Variants in ANKS1B observed in about 807,000 individuals in gnomAD.
The protein encoded by ANKS1B is ankyrin repeat and sterile alpha motif domain-containing protein 1B.
A neutral mutation model predicts 148.3 loss-of-function variants in ANKS1B; 36 were observed. That is an observed-to-expected ratio of 0.24 (90% CI 0.19 to 0.32). The LOEUF (loss-of-function observed/expected upper bound fraction) is 0.32, where lower values mean the gene tolerates loss of function less well. Ranked by LOEUF, ANKS1B falls within the 10% of genes least tolerant of loss-of-function variation. The pLI, the probability that ANKS1B is intolerant of heterozygous loss-of-function variation, is 1.00. For missense variants in ANKS1B, 1,157 were observed against 1,542.6 expected (o/e 0.75, Z 4.19); for synonymous variants, 542 against 560.8 (o/e 0.97, Z 0.47).
At chr12:99,527,401 G>A (rs2153079183) in intron 9 of ANKS1B, among the ~76,000 whole-genome samples, 1 of 152,222 alleles carries the variant, frequency 6.6e-6, no homozygotes, top group East Asian at 1.9e-4. Context: ...AAATAAATAA[G>A]TATTGTTGCT....
intron 9 of ANKS1B, among the ~76,000 whole-genome samples, chr12:99,505,045 C>T (rs1387997891): frequency 6.6e-6 from 1 of 151,960 alleles, no homozygotes; most frequent in Non-Finnish European, 1.5e-5. Flanking sequence ...ATGAAGTTTG[C>T]TAAAAGGCTG....
chr12:98,972,386 G>T (rs911786669), intron 17 of ANKS1B, among the ~76,000 whole-genome samples: 2 of 152,146 alleles, frequency 1.3e-5, no homozygotes, highest in African/African-American at 4.8e-5. Context: ...AGTCGGATTT[G>T]ATCAGTTTTC....
intron 10 of ANKS1B, among the ~76,000 whole-genome samples, chr12:99,493,788 A>G (rs1007550459): frequency 1.3e-5 from 2 of 152,132 alleles, no homozygotes; most frequent in African/African-American, 4.8e-5. Context: ...GAGATATATA[A>G]GTAAATAAGT....
intron 12 of ANKS1B, among the ~76,000 whole-genome samples, chr12:99,346,411 TC>T (rs2090693506): frequency 6.7e-6 from 1 of 149,670 alleles, no homozygotes; most frequent in Non-Finnish European, 1.5e-5. Context: ...TCTCTCTCTC[TC>T]CTCCCCTTCC....
intron 1 of ANKS1B, among the ~76,000 whole-genome samples, chr12:99,887,412 A>G (rs1390317895): frequency 6.6e-6 from 1 of 152,224 alleles, no homozygotes; most frequent in African/African-American, 2.4e-5. Flanking sequence ...TATTAAAATT[A>G]ATATCATCTG....
At chr12:99,859,301 A>G (rs756215118) in intron 1 of ANKS1B, among the ~76,000 whole-genome samples, 2 of 152,240 alleles carry the variant, frequency 1.3e-5, no homozygotes, top group African/African-American at 2.4e-5. Flanking sequence ...TCTTGCAAGT[A>G]AAATAAACAT....
At chr12:99,023,039 A>G (rs1019371768) in intron 17 of ANKS1B, among the ~76,000 whole-genome samples, 1 of 152,088 alleles carries the variant, frequency 6.6e-6, no homozygotes, top group Non-Finnish European at 1.5e-5. Context: ...GACTTTTCCA[A>G]TGTTAAACTA....
chr12:98,846,238 A>C (rs2099467530), intron 17 of ANKS1B, among the ~76,000 whole-genome samples: 1 of 152,242 alleles, frequency 6.6e-6, no homozygotes, highest in Non-Finnish European at 1.5e-5. Context: ...TTTTAAATAA[A>C]GGAATTCTTA....
At chr12:99,865,783 C>T (rs1363765993) in intron 1 of ANKS1B, among the ~76,000 whole-genome samples, 1 of 152,120 alleles carries the variant, frequency 6.6e-6, no homozygotes, top group Non-Finnish European at 1.5e-5. Flanking sequence ...TTTACTTAAA[C>T]CTATGCCTCA....
intron 9 of ANKS1B, among the ~76,000 whole-genome samples, chr12:99,649,064 G>A (rs2153433250): frequency 6.6e-6 from 1 of 152,242 alleles, no homozygotes; most frequent in South Asian, 2.1e-4. Flanking sequence ...ATGTTGTAAT[G>A]CTGTCCAAAG....
chr12:99,382,641 T>C (rs757754308), intron 12 of ANKS1B, among the ~76,000 whole-genome samples: 30 of 144,060 alleles, frequency 2.1e-4, no homozygotes, highest in Non-Finnish European at 4.0e-4. Context: ...GAGTTTGCAG[T>C]GACCTGAGAT....
At chr12:99,359,664 G>A (rs1056298421) in intron 12 of ANKS1B, among the ~76,000 whole-genome samples, 3 of 151,984 alleles carry the variant, frequency 2.0e-5, no homozygotes, top group South Asian at 2.1e-4. Flanking sequence ...CACTCACCTC[G>A]TGTAACGGGG....
At chr12:99,514,747 G>A (rs532785088) in intron 9 of ANKS1B, among the ~76,000 whole-genome samples, 3 of 152,110 alleles carry the variant, frequency 2.0e-5, no homozygotes, top group South Asian at 4.1e-4. Flanking sequence ...TCTGCACATC[G>A]TTAGGTAGTA....
intron 1 of ANKS1B, among the ~76,000 whole-genome samples, chr12:99,968,810 AT>A (rs1466358251): frequency 2.0e-5 from 3 of 151,950 alleles, no homozygotes; most frequent in Admixed American, 6.6e-5. Flanking sequence ...AGTTCTCCAA[AT>A]TTACATGAAA....
At chr12:99,186,686 T>C (rs531793345) in intron 14 of ANKS1B, among the ~76,000 whole-genome samples, 4 of 152,190 alleles carry the variant, frequency 2.6e-5, no homozygotes, top group African/African-American at 7.2e-5. Flanking sequence ...CAGAAAGGAA[T>C]AGTATCAACA....
chr12:99,699,006 G>A (rs1373976481), intron 8 of ANKS1B, among the ~76,000 whole-genome samples: 1 of 152,114 alleles, frequency 6.6e-6, no homozygotes, highest in Non-Finnish European at 1.5e-5. Flanking sequence ...ACATGTGCGT[G>A]CTCTTTATTA....
intron 9 of ANKS1B, among the ~76,000 whole-genome samples, chr12:99,568,919 G>A (rs2097423955): frequency 6.6e-6 from 1 of 152,172 alleles, no homozygotes; most frequent in African/African-American, 2.4e-5. Flanking sequence ...AGCTTAAAAG[G>A]CTAGGAATAA....
At chr12:98,859,619 A>G (rs2099588601) in intron 17 of ANKS1B, among the ~76,000 whole-genome samples, 1 of 152,272 alleles carries the variant, frequency 6.6e-6, no homozygotes, top group South Asian at 2.1e-4. Context: ...ACTCAGTGGT[A>G]ACAACAGGAA....
chr12:99,777,486 T>C (rs2063766040), intron 6 of ANKS1B, among the ~76,000 whole-genome samples: 1 of 152,240 alleles, frequency 6.6e-6, no homozygotes, highest in Non-Finnish European at 1.5e-5. Context: ...AGTCCATGGT[T>C]ATGTCACACC....
Sources: allele counts gnomAD v4.1 joint callset (sites outside exome capture counted in the v4.1 genomes callset), GRCh38; gene constraint gnomAD v4.1.1; transcripts MANE v1.5; gene names NCBI Gene and HGNC (gene_info 2026-07-23, HGNC 2026-07-21).